The following ZC3H12D variants were observed in gnomAD, a reference collection of about 807,000 sequenced individuals.
ZC3H12D encodes probable ribonuclease ZC3H12D.
ZC3H12D carries 11 observed loss-of-function variants against 24.2 expected under a neutral mutation model. That is an observed-to-expected ratio of 0.46 (90% CI 0.29 to 0.75). The LOEUF is 0.75. Among genes scored for constraint, ZC3H12D ranks in the 30% least tolerant of loss-of-function variants. ZC3H12D has a pLI of 0.11. For missense variants in ZC3H12D, 740 were observed against 767.7 expected (o/e 0.96, Z 0.43); for synonymous variants, 333 against 341.8 (o/e 0.97, Z 0.28).
At position 149,456,623 on chromosome 6, in the gene ZC3H12D, G is replaced by GGGGGCACGCCC; in HGVS notation, c.680+42_680+43insGGGCGTGCCCC. Reference sequence around the variant, plus strand: ...GCCACTGCCTCGACCCCGGCCCCCCGCCCCGCCGCCCCCCAGGGTGTCAGG... The same window carrying GGGGGCACGCCC: ...GCCACTGCCTCGACCCCGGCCCCCCGGGGGCACGCCCCCCCGCCGCCCCCCAGGGTGTCAGG... On this transcript the variant is annotated intron_variant, in intron 4 of 5. Coordinates refer to ENST00000409806, the MANE Select transcript of ZC3H12D (RefSeq NM_207360.3). The surrounding 1 kb of genome is among the most constrained non-coding windows in gnomAD (Gnocchi z 4.3). The GGGGGCACGCCC allele has an allele frequency of 1.3e-6, 1 of 744,590 alleles. No individual in the cohort carries two copies. The highest frequency in any genetic ancestry group is 2.2e-6 in the Non-Finnish European group (1 of 456,108). The allele number at this position is 744,590 out of a possible 1,614,324, so 46.1% of individuals were successfully genotyped here. A position where few individuals can be genotyped will look rare whatever the true frequency, so the allele number is the denominator to read the frequency against.
At chr6:149,463,545 C>G (rs1776107706) in intron 2 of ZC3H12D, among the ~76,000 whole-genome samples, 1 of 152,194 alleles carries the variant, frequency 6.6e-6, no homozygotes, top group Non-Finnish European at 1.5e-5. Context: ...CCTGTCTCTA[C>G]TAAAAATACA....
intron 1 of ZC3H12D, among the ~76,000 whole-genome samples, chr6:149,482,105 T>C (rs1776436933): frequency 6.6e-6 from 1 of 152,264 alleles, no homozygotes; most frequent in South Asian, 2.1e-4. Flanking sequence ...CTGAGGAGAC[T>C]GAAAGGGGCA....
chr6:149,452,107 C>A lies in ZC3H12D; in HGVS notation c.787+509G>T, dbSNP rs1195833412. 6.5e-6 allele frequency: 1 copy of A among 154,280 alleles called. No homozygotes were observed. The highest frequency in any genetic ancestry group is 2.4e-5 in the African/African-American group (1 of 41,542). 9.6% of individuals were successfully genotyped at this position (154,280 alleles called of 1,614,324 possible). A position where few individuals can be genotyped will look rare whatever the true frequency, so the allele number is the denominator to read the frequency against. ...ATTCTAACAAGAAATGATTGACTGT[C>A]ACCCAAGTCTTTACTGAACTTGGAA... On this transcript the variant is annotated intron_variant, in intron 5 of 5. Coordinates refer to ENST00000409806, the MANE Select transcript of ZC3H12D (RefSeq NM_207360.3). The surrounding 1 kb of genome is among the most constrained non-coding windows in gnomAD (Gnocchi z 4.0).
At chr6:149,478,774 G>A (rs1776380588) in intron 1 of ZC3H12D, among the ~76,000 whole-genome samples, 1 of 151,928 alleles carries the variant, frequency 6.6e-6, no homozygotes, top group South Asian at 2.1e-4. Flanking sequence ...ATCTCCTACT[G>A]TCCTCTGCCC....
chr6:149,462,142 G>T (rs540517866), intron 2 of ZC3H12D, among the ~76,000 whole-genome samples, 172 bp from the exon 3 acceptor site: 1 of 152,260 alleles, frequency 6.6e-6, no homozygotes, highest in East Asian at 1.9e-4. Context: ...GGGAGGCCAA[G>T]GTGGGCAGAT....
intron 3 of ZC3H12D, among the ~76,000 whole-genome samples, chr6:149,458,578 C>T (rs75525367): frequency 0.016 from 2,462 of 152,258 alleles, 67 homozygotes; most frequent in African/African-American, 0.057. Flanking sequence ...ATTAGTCCTG[C>T]ATCTAAGTCC....
intron 2 of ZC3H12D, among the ~76,000 whole-genome samples, chr6:149,469,042 G>A (rs1776203708): frequency 6.6e-6 from 1 of 152,194 alleles, no homozygotes; most frequent in African/African-American, 2.4e-5. Flanking sequence ...GCAGTAAGAG[G>A]ATGTGAAATT....
In ZC3H12D at chr6:149,452,271, G is replaced by T; in HGVS notation, c.787+345C>A. On this transcript the variant is annotated intron_variant, in intron 5 of 5. Coordinates refer to ENST00000409806, the MANE Select transcript of ZC3H12D (RefSeq NM_207360.3). The surrounding 1 kb of genome is among the most constrained non-coding windows in gnomAD (Gnocchi z 4.0). ...CATAGGGTGGAGGGGTGGAGAGCAG[G>T]GTAGGGTGAGGACAGAAGCTGCCAG... 1 of 248,312 alleles carries T rather than the reference G, an allele frequency of 4.0e-6. No individual in the cohort carries two copies. Among genetic ancestry groups the T allele is most frequent in the Non-Finnish European group, 7.7e-6 (1 of 130,128 alleles). 15.4% of individuals were successfully genotyped at this position (248,312 alleles called of 1,614,324 possible). A position where few individuals can be genotyped will look rare whatever the true frequency, so the allele number is the denominator to read the frequency against.
chr6:149,463,172 C>T lies in ZC3H12D; in HGVS notation c.306-1202G>A, dbSNP rs542934794. ...ATAGGAGTAGCCATCTACAGAATCACTCTCACCCTGAGAGATGGTTGTAAA... is the reference window on the plus strand; with the variant it reads ...ATAGGAGTAGCCATCTACAGAATCATTCTCACCCTGAGAGATGGTTGTAAA... On this transcript the variant is annotated intron_variant, in intron 2 of 5. Transcript: ENST00000409806. Among the ~76,000 whole-genome samples the T allele has an allele frequency of 2.0e-5, 3 of 152,296 alleles. No homozygotes were observed. In the South Asian group the frequency reaches 6.2e-4, roughly 32 times the overall value.
chr6:149,454,896 C>G (rs960300929), intron 4 of ZC3H12D, among the ~76,000 whole-genome samples: 2 of 152,250 alleles, frequency 1.3e-5, no homozygotes, highest in African/African-American at 4.8e-5. Flanking sequence ...TGCTGCCATG[C>G]CTCTGGCCCT....
chr6:149,481,847 A>T (rs1334559880), intron 1 of ZC3H12D, among the ~76,000 whole-genome samples: 3 of 152,222 alleles, frequency 2.0e-5, no homozygotes, highest in Admixed American at 6.5e-5. Context: ...TCGTTTTGAG[A>T]TGTGTTCAGG....
chr6:149,480,582 T>C (rs1040033396), intron 1 of ZC3H12D, among the ~76,000 whole-genome samples: 1 of 151,986 alleles, frequency 6.6e-6, no homozygotes, highest in Non-Finnish European at 1.5e-5. Context: ...ACTAAAAACA[T>C]AGAATTAGCC....
intron 3 of ZC3H12D, among the ~76,000 whole-genome samples, chr6:149,460,304 T>C (rs1346328369): frequency 1.3e-5 from 2 of 152,170 alleles, no homozygotes; most frequent in African/African-American, 2.4e-5. Flanking sequence ...AATGAAAATA[T>C]TCAGAAATCC....
At chr6:149,458,348 C>T (rs778274281) in intron 3 of ZC3H12D, among the ~76,000 whole-genome samples, 1 of 151,816 alleles carries the variant, frequency 6.6e-6, no homozygotes, top group Non-Finnish European at 1.5e-5. Context: ...GTTGCCCAAG[C>T]TGGTCTCAAA....
In ZC3H12D at chr6:149,451,314, G is replaced by T. The variant is rs1241356416; in HGVS notation, c.953C>A (p.Ala318Asp). 1 of 1,336,192 alleles carries T rather than the reference G, an allele frequency of 7.5e-7. No homozygotes were observed. Among genetic ancestry groups the T allele is most frequent in the Non-Finnish European group, 9.5e-7 (1 of 1,053,452 alleles). The allele number at this position is 1,336,192 out of a possible 1,614,324, so 82.8% of individuals were successfully genotyped here. Residue 318 changes from alanine to aspartate, a missense_variant, in exon 6 of 6, where the codon GCC becomes GAC. Coordinates refer to ENST00000409806, the MANE Select transcript of ZC3H12D (RefSeq NM_207360.3). ...PPRAPGGSAG[A>D]RAAPREPFAH... ...AAATGGTTCCCGGGGGGCCGCCCGG[G>T]CTCCTGCGGAGCCGCCCGGGGCTCT...
chr6:149,453,763 A>T (rs1775937870), intron 4 of ZC3H12D, among the ~76,000 whole-genome samples: 1 of 152,222 alleles, frequency 6.6e-6, no homozygotes, highest in African/African-American at 2.4e-5. Context: ...CAGAAAAGCC[A>T]GGAGTGGTGT....
At chr6:149,469,633 G>A (rs961087084) in intron 2 of ZC3H12D, among the ~76,000 whole-genome samples, 4 of 152,098 alleles carry the variant, frequency 2.6e-5, no homozygotes, top group African/African-American at 4.8e-5. Flanking sequence ...TGAATGACCC[G>A]AGCTGATGTC....
chr6:149,456,637 C>CCCCCG lies in ZC3H12D; in HGVS notation c.680+28_680+29insCGGGG. On this transcript the variant is annotated intron_variant, in intron 4 of 5. Coordinates refer to ENST00000409806, the MANE Select transcript of ZC3H12D (RefSeq NM_207360.3). This position sits in a 1 kb window ranked among gnomAD's most constrained non-coding sequence, Gnocchi z 4.3. Reference sequence around the variant, plus strand: ...CCCGGCCCCCCGCCCCGCCGCCCCCCAGGGTGTCAGGACCCCAGCCGGACC... The same window carrying CCCCCG: ...CCCGGCCCCCCGCCCCGCCGCCCCCCCCCCGAGGGTGTCAGGACCCCAGCCGGACC... The CCCCCG allele has an allele frequency of 2.6e-6, 4 of 1,554,914 alleles. No homozygotes were observed. Among genetic ancestry groups the CCCCCG allele is most frequent in the East Asian group, 2.3e-5 (1 of 44,222 alleles).
In ZC3H12D at chr6:149,474,615, T is replaced by G; in HGVS notation, c.-70-2A>C. On this transcript the variant is annotated splice_acceptor_variant, in intron 1 of 5. Coordinates refer to ENST00000409806, the MANE Select transcript of ZC3H12D (RefSeq NM_207360.3). LOFTEE classifies it low-confidence loss of function (5UTR_SPLICE). Reference sequence around the variant, plus strand: ...CTCTCAGAGCCCTGCAGACATGAGCTAAAGAGAAAAAAAATGCATCCATCA... The same window carrying G: ...CTCTCAGAGCCCTGCAGACATGAGCGAAAGAGAAAAAAAATGCATCCATCA... The G allele has an allele frequency of 7.6e-7, 1 of 1,321,996 alleles. No homozygotes were observed. The highest frequency in any genetic ancestry group is 9.9e-7 in the Non-Finnish European group (1 of 1,014,428). The allele number at this position is 1,321,996 out of a possible 1,614,324, so 81.9% of individuals were successfully genotyped here.
Sources: allele counts gnomAD v4.1 joint callset (sites outside exome capture counted in the v4.1 genomes callset), GRCh38; gene constraint gnomAD v4.1.1; non-coding constraint Gnocchi (gnomAD v3.1); transcripts MANE v1.5; gene names NCBI Gene and HGNC (gene_info 2026-07-23, HGNC 2026-07-21).